MGST1: variants seen among roughly 807,000 people sequenced by gnomAD.
MGST1 encodes glutathione S-transferase 12.
In MGST1, 5 loss-of-function variants were observed where a neutral mutation model predicts 8.9. The observed-to-expected ratio is 0.56, with a 90% CI of 0.29 to 1.19. The LOEUF is 1.19. MGST1 is among the 50% of genes most tolerant of loss of function. The probability of loss-of-function intolerance (pLI) is 0.08; values close to 1 mark genes in which losing one functional copy is unlikely to be tolerated. For synonymous variants in MGST1, 54 were observed against 67.8 expected (o/e 0.80, Z 1.00); for missense variants, 182 against 187.4 (o/e 0.97, Z 0.17).
chr12:16,414,982 C>G (rs983127340), intron 1 of MGST1, among the ~76,000 whole-genome samples: 1 of 152,022 alleles, frequency 6.6e-6, no homozygotes, highest in Non-Finnish European at 1.5e-5. Flanking sequence ...CAAGATCGCA[C>G]CATTGCACTC....
chr12:16,481,287 T>TG (rs1315921387), intron 4 of MGST1, among the ~76,000 whole-genome samples: 2 of 152,216 alleles, frequency 1.3e-5, no homozygotes, highest in Non-Finnish European at 2.9e-5. Flanking sequence ...GTAATGCTGA[T>TG]AGATGCTCAG....
chr12:16,566,550 A>G (rs1405283749), intron 4 of MGST1, among the ~76,000 whole-genome samples: 1 of 152,140 alleles, frequency 6.6e-6, no homozygotes, highest in African/African-American at 2.4e-5. Context: ...GGTGCTAATT[A>G]AAAAAAGAAA....
At chr12:16,565,994 AT>A (rs1942587288) in intron 4 of MGST1, among the ~76,000 whole-genome samples, 1 of 13,414 alleles carries the variant, frequency 7.5e-5, no homozygotes, top group Non-Finnish European at 1.6e-4. Flanking sequence ...ATATATATAT[AT>A]ATATATATAT....
chr12:16,435,167 C>T (rs1415799728), intron 1 of MGST1, among the ~76,000 whole-genome samples: 2 of 151,932 alleles, frequency 1.3e-5, no homozygotes, highest in Non-Finnish European at 2.9e-5. Context: ...CATTTCACAG[C>T]ACATTCTTGT....
At chr12:16,420,738 A>C (rs1003906483) in intron 1 of MGST1, among the ~76,000 whole-genome samples, 1 of 152,120 alleles carries the variant, frequency 6.6e-6, no homozygotes, top group African/African-American at 2.4e-5. Flanking sequence ...TTGGGTGAGA[A>C]TGCTCTCTTC....
rs568784584 is a variant in MGST1, at chr12:16,463,521, A to G, written n.482+79917A>G. On this transcript the variant is annotated intron_variant and non_coding_transcript_variant, in intron 4 of 4. Transcript: ENST00000538857. Reference sequence around the variant, plus strand: ...AGGTGATGGGATGATCTGTGCAGTAAAACACCATGGCACACGTTCACCTCT... The same window carrying G: ...AGGTGATGGGATGATCTGTGCAGTAGAACACCATGGCACACGTTCACCTCT... 3.3e-5 allele frequency among the ~76,000 whole-genome samples: 5 copies of G among 152,148 alleles called. No homozygotes were observed. The South Asian group carries it at 1.0e-3, about 32-fold the overall frequency.
chr12:16,469,320 C>T (rs377314518), intron 4 of MGST1, among the ~76,000 whole-genome samples: 1 of 151,466 alleles, frequency 6.6e-6, no homozygotes, highest in Non-Finnish European at 1.5e-5. Flanking sequence ...CAAGTAGCTG[C>T]GACTACAGGC....
intron 4 of MGST1, among the ~76,000 whole-genome samples, chr12:16,522,224 C>T (rs559896393): frequency 6.6e-6 from 1 of 152,046 alleles, no homozygotes; most frequent in African/African-American, 2.4e-5. Context: ...TAATTTTTGA[C>T]GATGGGATCG....
downstream of MGST1, among the ~76,000 whole-genome samples, chr12:16,378,110 G>C (rs904778544): frequency 1.3e-5 from 2 of 152,138 alleles, no homozygotes; most frequent in Admixed American, 1.3e-4. Context: ...TGTTCACTCT[G>C]ATGGTATTTT....
chr12:16,544,472 C>T lies in MGST1; in HGVS notation n.483-45056C>T, dbSNP rs1049509486. 6.6e-6 allele frequency among the ~76,000 whole-genome samples: 1 copy of T among 152,006 alleles called. No individual in the cohort carries two copies. The highest frequency in any genetic ancestry group is 2.4e-5 in the African/African-American group (1 of 41,410). ...ATATAGCATCAATTTGTATTCATCT[C>T]TATTTTCTAAGTAGATAAGATTAAA... On this transcript the variant is annotated intron_variant and non_coding_transcript_variant, in intron 4 of 4. Transcript: ENST00000538857. The surrounding 1 kb of genome is among the most constrained non-coding windows in gnomAD (Gnocchi z 4.8).
intron 4 of MGST1, chr12:16,567,412 GA>G (rs1167050786): frequency 6.6e-6 from 1 of 152,606 alleles, no homozygotes. Flanking sequence ...CTCAGGGATA[GA>G]ATACGAGAAG....
intron 3 of MGST1, among the ~76,000 whole-genome samples, chr12:16,358,779 C>CTTTTTTTTT (rs35081887): frequency 0.011 from 630 of 57,566 alleles, 41 homozygotes; most frequent in East Asian, 0.02. Flanking sequence ...AAATTCATTC[C>CTTTTTTTTT]TTTTTTTTTT....
At chr12:16,514,271 C>T in intron 4 of MGST1, 1 of 282,604 alleles carries the variant, frequency 3.5e-6, no homozygotes, top group Non-Finnish European at 7.0e-6. Context: ...TGCAAAGACG[C>T]AGATGAAGCC....
At chr12:16,574,891 T>C (rs1212164438) in intron 4 of MGST1, among the ~76,000 whole-genome samples, 4 of 152,124 alleles carry the variant, frequency 2.6e-5, no homozygotes, top group African/African-American at 4.8e-5. Context: ...ACAGCAGTGA[T>C]AGAAATCTGG....
chr12:16,468,391 G>A (rs1196995930), intron 4 of MGST1, among the ~76,000 whole-genome samples: 4 of 8,934 alleles, frequency 4.5e-4, no homozygotes, highest in Non-Finnish European at 2.9e-3. Flanking sequence ...CATTTGTATC[G>A]GGTCTCGTTG....
At chr12:16,420,432 T>A (rs1241566114) in intron 1 of MGST1, among the ~76,000 whole-genome samples, 1 of 152,232 alleles carries the variant, frequency 6.6e-6, no homozygotes, top group Non-Finnish European at 1.5e-5. Flanking sequence ...CACGTGTTTT[T>A]AAATATAGAT....
intron 1 of MGST1, among the ~76,000 whole-genome samples, chr12:16,407,940 G>T (rs578039991): frequency 6.8e-6 from 1 of 147,190 alleles, no homozygotes; most frequent in African/African-American, 2.5e-5. Flanking sequence ...GCTGAGACAG[G>T]AGAATTGCTT....
Position 16,560,684 on chromosome 12 carries a change from CATAA to C in MGST1, n.483-28840_483-28837del. ...AAGTGGATTTTATCCTAGGTGTATG[CATAA>C]ATATTCTTCTGCAATATATTCTCCG... On this transcript the variant is annotated intron_variant and non_coding_transcript_variant, in intron 4 of 4. Coordinates refer to the MGST1 transcript ENST00000538857. This position sits in a 1 kb window ranked among gnomAD's most constrained non-coding sequence, Gnocchi z 5.0. 1.5e-6 allele frequency: 1 copy of C among 685,702 alleles called. No homozygotes were observed. The highest frequency in any genetic ancestry group is 1.9e-5 in the South Asian group (1 of 53,920). 42.5% of individuals were successfully genotyped at this position (685,702 alleles called of 1,614,324 possible).
chr12:16,451,870 G>C (rs1941132013), intron 4 of MGST1, among the ~76,000 whole-genome samples: 1 of 151,776 alleles, frequency 6.6e-6, no homozygotes, highest in South Asian at 2.1e-4. Context: ...TATTTGCCTA[G>C]TATTTATGTT....
Sources: allele counts gnomAD v4.1 joint callset (sites outside exome capture counted in the v4.1 genomes callset), GRCh38; gene constraint gnomAD v4.1.1; non-coding constraint Gnocchi (gnomAD v3.1); transcripts MANE v1.5; gene names NCBI Gene and HGNC (gene_info 2026-07-23, HGNC 2026-07-21).